MACROD2: variants seen among roughly 807,000 people sequenced by gnomAD.
The protein encoded by MACROD2 is ADP-ribose glycohydrolase MACROD2.
MACROD2 carries 36 observed loss-of-function variants against 70.4 expected under a neutral mutation model. The ratio of observed to expected loss-of-function variants is 0.51; its 90% CI spans 0.39 to 0.68. The LOEUF (loss-of-function observed/expected upper bound fraction) is 0.68. MACROD2 is among the 30% of genes least tolerant of loss of function. The probability of loss-of-function intolerance (pLI) is 0.00; values close to 1 mark genes in which losing one functional copy is unlikely to be tolerated. For missense variants in MACROD2, 496 were observed against 538.4 expected, an observed-to-expected ratio of 0.92 and a Z score of 0.78; for synonymous variants, 172 against 178.8, an observed-to-expected ratio of 0.96 and a Z score of 0.30.
rs150220395 is a variant in MACROD2, at chr20:14,921,747, A to C, written c.418+236788A>C. Among the ~76,000 whole-genome samples, 1,316 of 152,338 alleles carry C rather than the reference A, an allele frequency of 8.6e-3. 10 individuals are homozygous for C. Among genetic ancestry groups the C allele is most frequent in the Non-Finnish European group, 0.013 (906 of 68,026 alleles). ...GATAATTGTTTGGTATATTGTAACC[A>C]GAATGGAGCTGACAGAATGCCAATA... On this transcript the variant is annotated intron_variant, in intron 5 of 17. Transcript: ENST00000684519.
chr20:14,762,271 C>G (rs547151104), intron 5 of MACROD2, among the ~76,000 whole-genome samples: 7 of 152,104 alleles, frequency 4.6e-5, no homozygotes, highest in Non-Finnish European at 1.0e-4. Flanking sequence ...TCCCTCCTCT[C>G]GAACTTATCT....
In MACROD2 at chr20:15,026,180, G is replaced by A. The variant is rs375864502; in HGVS notation, c.419-203760G>A. Among the ~76,000 whole-genome samples the A allele has an allele frequency of 1.4e-4, 21 of 152,210 alleles. 1 individual carries two copies. In the East Asian group the frequency reaches 3.1e-3, roughly 22 times the overall value. ...TGGTCTCTTTCCTCTGAATGTACAC[G>A]AACATATTAAAGGTCCTTGAGTATC... is the stretch of plus-strand genomic sequence containing the variant. On this transcript the variant is annotated intron_variant, in intron 5 of 17. Coordinates refer to ENST00000684519, the MANE Select transcript of MACROD2 (RefSeq NM_001351661.2).
At chr20:16,027,852 A>G in intron 15 of MACROD2, among the ~76,000 whole-genome samples, 1 of 152,190 alleles carries the variant, frequency 6.6e-6, no homozygotes, top group East Asian at 1.9e-4. Context: ...CCTGCTGGAA[A>G]GACCCTGATC....
At chr20:15,613,541 G>T (rs765439635) in intron 8 of MACROD2, among the ~76,000 whole-genome samples, 1 of 152,146 alleles carries the variant, frequency 6.6e-6, no homozygotes, top group Non-Finnish European at 1.5e-5. Flanking sequence ...AGCATGTGGT[G>T]TTTTTTCTTT....
chr20:15,185,505 G>A (rs183030295), intron 5 of MACROD2, among the ~76,000 whole-genome samples: 186 of 152,214 alleles, frequency 1.2e-3, no homozygotes, highest in African/African-American at 4.3e-3. Flanking sequence ...ATCAGATTAA[G>A]TTTCAAGGCA....
intron 4 of MACROD2, among the ~76,000 whole-genome samples, chr20:14,679,597 A>T (rs890086171): frequency 2.0e-5 from 3 of 152,244 alleles, no homozygotes; most frequent in African/African-American, 7.2e-5. Flanking sequence ...GTCTAGCAAC[A>T]GAATTGACAA....
At chr20:14,061,081 A>AT (rs1306629462) in intron 2 of MACROD2, among the ~76,000 whole-genome samples, 1 of 152,146 alleles carries the variant, frequency 6.6e-6, no homozygotes, top group Non-Finnish European at 1.5e-5. Flanking sequence ...GTATATGTAT[A>AT]TACACCATAG....
chr20:14,998,069 T>A (rs2074964808), intron 5 of MACROD2, among the ~76,000 whole-genome samples: 1 of 152,212 alleles, frequency 6.6e-6, no homozygotes, highest in Non-Finnish European at 1.5e-5. Flanking sequence ...CAGTTACAGC[T>A]GCAGTGACCA....
intron 5 of MACROD2, among the ~76,000 whole-genome samples, chr20:14,730,991 A>C (rs1426328235): frequency 7.1e-6 from 1 of 140,446 alleles, no homozygotes; most frequent in Admixed American, 7.7e-5. Flanking sequence ...ACACACACAC[A>C]CACACACACA....
chr20:15,777,571 TTCCTTCTTTCCTTCC>T (rs2051750035), intron 8 of MACROD2, among the ~76,000 whole-genome samples: 1 of 88,622 alleles, frequency 1.1e-5, no homozygotes, highest in Non-Finnish European at 2.4e-5. Context: ...CCTTCCTTCC[TTCCTTCTTTCCTTCC>T]TTCCTTCCTT....
intron 4 of MACROD2, among the ~76,000 whole-genome samples, chr20:14,586,331 A>G (rs1445146420): frequency 6.6e-6 from 1 of 152,004 alleles, no homozygotes. Context: ...ACTCTTTTAT[A>G]TTCTTAGAAT....
chr20:15,215,649 G>T (rs2076804044), intron 5 of MACROD2, among the ~76,000 whole-genome samples: 1 of 151,928 alleles, frequency 6.6e-6, no homozygotes, highest in Non-Finnish European at 1.5e-5. Context: ...TCCACTAAGG[G>T]CTTGTTATTA....
chr20:14,504,673 C>T (rs1314344504), intron 4 of MACROD2, among the ~76,000 whole-genome samples: 1 of 152,164 alleles, frequency 6.6e-6, no homozygotes, highest in African/African-American at 2.4e-5. Flanking sequence ...TGGTGCTAAG[C>T]TAGGAATTTC....
At chr20:14,585,349 C>T (rs534747901) in intron 4 of MACROD2, among the ~76,000 whole-genome samples, 1 of 152,108 alleles carries the variant, frequency 6.6e-6, no homozygotes, top group Admixed American at 6.6e-5. Context: ...ACTGTGCTAC[C>T]AACATAACCC....
At chr20:15,189,086 G>A (rs964028623) in intron 5 of MACROD2, among the ~76,000 whole-genome samples, 1 of 152,056 alleles carries the variant, frequency 6.6e-6, no homozygotes, top group East Asian at 1.9e-4. Flanking sequence ...GGGTAACAGT[G>A]ATATATTTCA....
At chr20:15,620,708 C>G (rs1280322408) in intron 8 of MACROD2, among the ~76,000 whole-genome samples, 2 of 152,114 alleles carry the variant, frequency 1.3e-5, no homozygotes, top group Non-Finnish European at 2.9e-5. Context: ...GAGAACCCAC[C>G]TTCTCAGAGG....
intron 3 of MACROD2, among the ~76,000 whole-genome samples, chr20:14,220,205 G>T (rs576950488): frequency 1.3e-5 from 2 of 152,050 alleles, no homozygotes; most frequent in African/African-American, 4.8e-5. Flanking sequence ...GTCTTGCTGC[G>T]GCTGCTGTTG....
intron 8 of MACROD2, among the ~76,000 whole-genome samples, chr20:15,824,207 T>C (rs555995151): frequency 4.0e-4 from 61 of 152,210 alleles, no homozygotes; most frequent in African/African-American, 1.4e-3. Flanking sequence ...GGTGATTTCA[T>C]TGAGCCCACT....
chr20:14,083,778 G>A (rs2054032744), intron 2 of MACROD2, among the ~76,000 whole-genome samples: 1 of 151,624 alleles, frequency 6.6e-6, no homozygotes, highest in South Asian at 2.1e-4. Flanking sequence ...TGAGTATTTT[G>A]ATAGAATACT....
Sources: allele counts gnomAD v4.1 joint callset (sites outside exome capture counted in the v4.1 genomes callset), GRCh38; gene constraint gnomAD v4.1.1; transcripts MANE v1.5; gene names NCBI Gene and HGNC (gene_info 2026-07-23, HGNC 2026-07-21).